Variants in PDE1C observed in about 807,000 individuals in gnomAD.
The protein encoded by PDE1C is phosphodiesterase 1C.
In PDE1C, 62 loss-of-function variants were observed where a neutral mutation model predicts 93.1. That is an observed-to-expected ratio of 0.67 (90% CI 0.54 to 0.82). The LOEUF (loss-of-function observed/expected upper bound fraction) is 0.82, where lower values mean the gene tolerates loss of function less well. Ranked by LOEUF, PDE1C falls within the 40% of genes least tolerant of loss-of-function variation. The pLI, the probability that PDE1C is intolerant of heterozygous loss-of-function variation, is 0.00. For missense variants in PDE1C, 742 were observed against 884.6 expected (o/e 0.84, Z 2.04); for synonymous variants, 325 against 310.1 (o/e 1.05, Z -0.50).
chr7:32,114,939 C>T (rs1247220258), intron 3 of PDE1C, among the ~76,000 whole-genome samples: 2 of 152,060 alleles, frequency 1.3e-5, no homozygotes, highest in East Asian at 3.9e-4. Flanking sequence ...AGTCAGAATG[C>T]TAATTATTAA....
the PDE1C span, among the ~76,000 whole-genome samples, chr7:31,632,880 T>G: frequency 2.6e-5 from 4 of 151,970 alleles, no homozygotes; most frequent in African/African-American, 9.7e-5. Context: ...ATTTATTTAT[T>G]TATTCATTCA....
At chr7:32,104,214 C>T (rs568136236) in intron 3 of PDE1C, among the ~76,000 whole-genome samples, 7 of 152,086 alleles carry the variant, frequency 4.6e-5, no homozygotes, top group Non-Finnish European at 8.8e-5. Context: ...ATAGGACACA[C>T]ATCAAGGTAC....
intron 1 of PDE1C, among the ~76,000 whole-genome samples, chr7:32,361,925 T>C (rs1448050457): frequency 6.6e-6 from 1 of 152,200 alleles, no homozygotes; most frequent in East Asian, 1.9e-4. Context: ...TAGGTTTCTT[T>C]AGTCCGTCAT....
At position 31,828,372 on chromosome 7, in the gene PDE1C, C is replaced by T. The variant is rs770890633; in HGVS notation, c.1205G>A (p.Gly402Asp). 4 of 1,611,206 alleles carry T rather than the reference C, an allele frequency of 2.5e-6. No homozygotes were observed. The highest frequency in any genetic ancestry group is 8.5e-7 in the Non-Finnish European group (1 of 1,178,006). ...MSLLEEFFRQ[G>D]DREAELGLPF... ...CAGCCCCAGCTCTGCTTCTCTGTCA[C>T]CCTGGAAAAATAAAAGGTCATAGTA... Residue 402 changes from glycine to aspartate, a missense_variant and splice_region_variant, in exon 12 of 18, where the codon GGT becomes GAT. Physicochemically the swap from Gly to Asp is moderately conservative, Grantham distance 94 (BLOSUM62 -1). This residue lies in a region of PDE1C where 454 missense variants were observed against 459.4 expected (regional missense o/e 0.99). Transcript: ENST00000396191.
intron 3 of PDE1C, among the ~76,000 whole-genome samples, chr7:32,147,047 C>A (rs1421163030): frequency 2.0e-5 from 3 of 151,330 alleles, no homozygotes; most frequent in African/African-American, 7.3e-5. Context: ...ACTAAATCCC[C>A]ACCAAGAAGT....
At chr7:32,391,856 G>GTA (rs1562704066) in intron 1 of PDE1C, among the ~76,000 whole-genome samples, 2 of 151,924 alleles carry the variant, frequency 1.3e-5, no homozygotes, top group East Asian at 1.9e-4. Flanking sequence ...AGAGGAAAAT[G>GTA]TATAGCTTTA....
chr7:32,190,744 G>A (rs1316759785), intron 2 of PDE1C, among the ~76,000 whole-genome samples: 5 of 152,172 alleles, frequency 3.3e-5, no homozygotes, highest in Non-Finnish European at 7.3e-5. Context: ...ATCTAGTGGG[G>A]AGACAGCCAT....
intron 11 of PDE1C, among the ~76,000 whole-genome samples, chr7:31,835,380 C>G (rs1430420105): frequency 6.6e-6 from 1 of 152,106 alleles, no homozygotes; most frequent in African/African-American, 2.4e-5. Flanking sequence ...GCGGAGTCAC[C>G]TGTATAGTTC....
chr7:32,276,379 GA>G (rs1811289578), intron 1 of PDE1C, among the ~76,000 whole-genome samples: 1 of 152,036 alleles, frequency 6.6e-6, no homozygotes, highest in Non-Finnish European at 1.5e-5. Context: ...AAACAAGGAA[GA>G]AAAAAACGTT....
At chr7:32,204,752 T>A (rs1226904318) in intron 2 of PDE1C, among the ~76,000 whole-genome samples, 1 of 152,228 alleles carries the variant, frequency 6.6e-6, no homozygotes, top group Non-Finnish European at 1.5e-5. Flanking sequence ...CCTCAGCTAA[T>A]GCTCACTTTC....
intron 3 of PDE1C, among the ~76,000 whole-genome samples, chr7:32,123,834 C>T (rs983340008): frequency 5.9e-5 from 9 of 152,006 alleles, no homozygotes; most frequent in Admixed American, 3.3e-4. Context: ...CTATTCAACG[C>T]AGTATTGGAA....
chr7:31,843,157 G>A (rs1792128737), intron 9 of PDE1C, among the ~76,000 whole-genome samples: 1 of 151,864 alleles, frequency 6.6e-6, no homozygotes, highest in South Asian at 2.1e-4. Flanking sequence ...ATGTGTACTT[G>A]AAAAGAATAT....
At chr7:31,835,607 C>A (rs1044340770) in intron 11 of PDE1C, among the ~76,000 whole-genome samples, 9 of 151,446 alleles carry the variant, frequency 5.9e-5, no homozygotes, top group Non-Finnish European at 1.2e-4. Context: ...CATTTCCTAA[C>A]AAAAGGGTCT....
At chr7:32,167,664 A>G (rs1802386377) in intron 3 of PDE1C, among the ~76,000 whole-genome samples, 1 of 152,188 alleles carries the variant, frequency 6.6e-6, no homozygotes, top group African/African-American at 2.4e-5. Flanking sequence ...GGACCTCCTG[A>G]TAATTTGGCA....
intron 2 of PDE1C, among the ~76,000 whole-genome samples, chr7:31,901,596 T>C (rs973107334): frequency 6.6e-6 from 1 of 151,204 alleles, no homozygotes; most frequent in Non-Finnish European, 1.5e-5. Flanking sequence ...TGTTGCAAAA[T>C]TTGAGAACTT....
the PDE1C span, among the ~76,000 whole-genome samples, chr7:31,733,815 G>A: frequency 2.0e-3 from 312 of 152,198 alleles, no homozygotes; most frequent in Non-Finnish European, 3.0e-3. Flanking sequence ...GGCCAACAGG[G>A]CGAAACCCTG....
chr7:32,140,791 C>G lies in PDE1C; in HGVS notation c.308+28994G>C, dbSNP rs74964310. Among the ~76,000 whole-genome samples, 66 of 152,288 alleles carry G rather than the reference C, an allele frequency of 4.3e-4. No individual in the cohort carries two copies. The East Asian group carries it at 0.011, about 26-fold the overall frequency. ...CACAGAGGCTGGTGCCTCAGCGTGC[C>G]CACTCGAGAGTGAGGATGTGGGATG... On this transcript the variant is annotated intron_variant, in intron 3 of 18. Transcript: ENST00000396193.
chr7:32,394,323 A>T (rs1784803438), intron 1 of PDE1C, among the ~76,000 whole-genome samples: 1 of 152,216 alleles, frequency 6.6e-6, no homozygotes, highest in South Asian at 2.1e-4. Flanking sequence ...TATTTGAAGG[A>T]CTGCTGATAT....
chr7:31,946,235 C>A (rs1382757316), intron 2 of PDE1C, among the ~76,000 whole-genome samples: 1 of 152,108 alleles, frequency 6.6e-6, no homozygotes, highest in Non-Finnish European at 1.5e-5. Context: ...AAAGCTGAGG[C>A]AGGGCTTGCA....
Sources: allele counts gnomAD v4.1 joint callset (sites outside exome capture counted in the v4.1 genomes callset), GRCh38; gene constraint gnomAD v4.1.1; regional missense constraint gnomAD v4.1.1; transcripts MANE v1.5; gene names NCBI Gene and HGNC (gene_info 2026-07-23, HGNC 2026-07-21).